Variants in PTPRN2 observed in about 807,000 individuals in gnomAD.
The protein encoded by PTPRN2 is protein tyrosine phosphatase receptor type N2, also known as receptor-type tyrosine-protein phosphatase N2.
In PTPRN2, 74 loss-of-function variants were observed where a neutral mutation model predicts 118.8. The observed-to-expected ratio is 0.62, with a 90% confidence interval of 0.52 to 0.76. The LOEUF (loss-of-function observed/expected upper bound fraction) is 0.76. Ranked by LOEUF, PTPRN2 falls within the 30% of genes least tolerant of loss-of-function variation. The probability of loss-of-function intolerance (pLI) is 0.00; values close to 1 mark genes in which losing one functional copy is unlikely to be tolerated. For missense variants in PTPRN2, 1,481 were observed against 1,394.4 expected, an observed-to-expected ratio of 1.06 and a Z score of -0.99; for synonymous variants, 641 against 608.0, an observed-to-expected ratio of 1.05 and a Z score of -0.80.
intron 11 of PTPRN2, among the ~76,000 whole-genome samples, chr7:157,954,659 A>G (rs1585081912): frequency 6.6e-6 from 1 of 152,120 alleles, no homozygotes; most frequent in African/African-American, 2.4e-5. Flanking sequence ...GGGTGATATT[A>G]AGGCCTGCAG....
chr7:158,214,080 T>C (rs948392079), intron 3 of PTPRN2, among the ~76,000 whole-genome samples: 4 of 151,932 alleles, frequency 2.6e-5, no homozygotes, highest in Admixed American at 1.3e-4. Flanking sequence ...GAAACTGTGC[T>C]CTTAGATATA....
intron 12 of PTPRN2, among the ~76,000 whole-genome samples, chr7:157,736,468 A>G (rs1422065410): frequency 6.6e-6 from 1 of 152,220 alleles, no homozygotes; most frequent in Non-Finnish European, 1.5e-5. Context: ...TGCCTGCACC[A>G]GGGAAAGGCC....
intron 9 of PTPRN2, among the ~76,000 whole-genome samples, chr7:158,131,432 C>CAT (rs1554550007): frequency 6.8e-6 from 1 of 148,144 alleles, no homozygotes; most frequent in East Asian, 2.0e-4. Flanking sequence ...AACACACACA[C>CAT]GAACATACAA....
chr7:157,820,449 CCA>C (rs1360814783), intron 12 of PTPRN2, among the ~76,000 whole-genome samples: 2 of 151,304 alleles, frequency 1.3e-5, no homozygotes, highest in Admixed American at 1.3e-4. Flanking sequence ...CAGCAGATCC[CCA>C]CACACATGCA....
chr7:158,380,145 C>T (rs1468196636), intron 2 of PTPRN2, among the ~76,000 whole-genome samples: 3 of 152,152 alleles, frequency 2.0e-5, no homozygotes, highest in Non-Finnish European at 4.4e-5. Flanking sequence ...CCCCTGGCCT[C>T]TCCCAAATCT....
chr7:158,416,340 C>T (rs1164141855), intron 2 of PTPRN2, among the ~76,000 whole-genome samples: 2 of 152,218 alleles, frequency 1.3e-5, no homozygotes, highest in Non-Finnish European at 2.9e-5. Flanking sequence ...GATATGCACC[C>T]CCAGCCCCCA....
At chr7:158,523,454 G>GTCTGCCCTGGAGCGGAGTCC (rs1824400149) in intron 1 of PTPRN2, among the ~76,000 whole-genome samples, 3 of 142,526 alleles carry the variant, frequency 2.1e-5, no homozygotes, top group Non-Finnish European at 4.7e-5. Flanking sequence ...GAGCGGAGTC[G>GTCTGCCCTGGAGCGGAGTCC]TCTGCCCTGG....
chr7:158,553,646 T>A (rs990560742), intron 1 of PTPRN2, among the ~76,000 whole-genome samples: 2 of 151,892 alleles, frequency 1.3e-5, no homozygotes, highest in Non-Finnish European at 2.9e-5. Context: ...ACGCACAGGC[T>A]TAGGAGTCTA....
At chr7:158,373,276 T>C (rs1300113658) in intron 2 of PTPRN2, among the ~76,000 whole-genome samples, 1 of 152,250 alleles carries the variant, frequency 6.6e-6, no homozygotes, top group Admixed American at 6.5e-5. Flanking sequence ...CGGCCTATTC[T>C]GCACAAAGAT....
At position 157,585,065 on chromosome 7, in the gene PTPRN2, C is replaced by G. The variant is rs143168446; in HGVS notation, c.2497-6925G>C. ...TGGCTTTTTTTTAGTAAACAAATAT[C>G]TCAGTGTGGGATTCATTTAGGGATG... On this transcript the variant is annotated intron_variant, in intron 17 of 22. Coordinates refer to ENST00000389418, the MANE Select transcript of PTPRN2 (RefSeq NM_002847.5). This position sits in a 1 kb window ranked among gnomAD's most constrained non-coding sequence, Gnocchi z 5.2. Among the ~76,000 whole-genome samples, 403 of 152,260 alleles carry G rather than the reference C, an allele frequency of 2.6e-3. 3 individuals are homozygous for G. The highest frequency in any genetic ancestry group is 9.2e-3 in the African/African-American group (383 of 41,544).
intron 2 of PTPRN2, among the ~76,000 whole-genome samples, chr7:158,397,759 A>G (rs1272665760): frequency 6.6e-6 from 1 of 152,194 alleles, no homozygotes; most frequent in Non-Finnish European, 1.5e-5. Context: ...CTTGACCAAA[A>G]GAAACAGGAA....
rs966853519 is a variant in PTPRN2 at position 157,845,348 on chromosome 7, G to T, written c.1788+53325C>A. On this transcript the variant is annotated intron_variant, in intron 12 of 22. Coordinates refer to ENST00000389418, the MANE Select transcript of PTPRN2 (RefSeq NM_002847.5). The surrounding 1 kb of genome is among the most constrained non-coding windows in gnomAD (Gnocchi z 4.5). ...CGCCCTCTTTTCCCTGGTGAATCACGCAGCCTAACTCACCATGTTCCCGGC... is the reference window on the plus strand; with the variant it reads ...CGCCCTCTTTTCCCTGGTGAATCACTCAGCCTAACTCACCATGTTCCCGGC... Among the ~76,000 whole-genome samples the T allele has an allele frequency of 6.6e-6, 1 of 151,940 alleles. No homozygotes were observed. Among genetic ancestry groups the T allele is most frequent in the African/African-American group, 2.4e-5 (1 of 41,312 alleles).
At chr7:158,189,448 G>T (rs1825583922) in intron 5 of PTPRN2, among the ~76,000 whole-genome samples, 1 of 152,164 alleles carries the variant, frequency 6.6e-6, no homozygotes, top group African/African-American at 2.4e-5. Flanking sequence ...TCGCTCACTG[G>T]CCCATCCAAG....
Position 157,685,415 on chromosome 7 carries a change from G to C in PTPRN2, c.1789-2478C>G, listed in dbSNP as rs142888876. Among the ~76,000 whole-genome samples the C allele has an allele frequency of 0.011, 1,714 of 152,182 alleles. 78 individuals carry two copies. The South Asian group carries it at 0.12, about 11-fold the overall frequency. On this transcript the variant is annotated intron_variant, in intron 12 of 22. Transcript: ENST00000389418. ...GGGCGGCGGGGCCACGGCGTGTGGC[G>C]GACCCGGCAGTGGCACCCAGGCTGT... is the stretch of plus-strand genomic sequence containing the variant.
chr7:158,415,489 C>A (rs1288935444), intron 2 of PTPRN2, among the ~76,000 whole-genome samples: 1 of 152,152 alleles, frequency 6.6e-6, no homozygotes, highest in Non-Finnish European at 1.5e-5. Flanking sequence ...CCACCTCCAC[C>A]AGATTCAGAT....
intron 9 of PTPRN2, among the ~76,000 whole-genome samples, chr7:158,127,691 A>T (rs965626323): frequency 3.9e-5 from 6 of 152,166 alleles, no homozygotes; most frequent in South Asian, 2.1e-4. Flanking sequence ...GGTCTGGGGT[A>T]GGCAGAGAGA....
intron 10 of PTPRN2, among the ~76,000 whole-genome samples, chr7:158,089,212 C>T (rs1470762255): frequency 3.1e-5 from 1 of 32,684 alleles, no homozygotes; most frequent in African/African-American, 6.6e-5. Flanking sequence ...GGAGTCTTCA[C>T]ACAAACCTTC....
At chr7:157,800,516 ACTC>A (rs1453714534) in intron 12 of PTPRN2, among the ~76,000 whole-genome samples, 20 of 151,584 alleles carry the variant, frequency 1.3e-4, no homozygotes, top group African/African-American at 4.6e-4. Context: ...AGGCCGCCGC[ACTC>A]CTCCTCCTGG....
chr7:157,621,002 A>C (rs76914591), intron 15 of PTPRN2, among the ~76,000 whole-genome samples: 67 of 111,926 alleles, frequency 6.0e-4, no homozygotes, highest in African/African-American at 1.8e-3. Context: ...CCCCGCCTGT[A>C]ACCCAGGCCT....
Sources: gnomAD v4.1 joint callset for allele counts (sites outside exome capture counted in the v4.1 genomes callset) on GRCh38, gnomAD v4.1.1 for gene constraint, Gnocchi (gnomAD v3.1) non-coding constraint, MANE v1.5 for transcripts, NCBI Gene and HGNC (gene_info 2026-07-23, HGNC 2026-07-21) for gene names.